The following DDX54 variants were observed in gnomAD, a reference collection of about 807,000 sequenced individuals.
The protein encoded by DDX54 is DEAD-box helicase 54.
Under a neutral mutation model 105.5 loss-of-function variants are expected in DDX54, and 67 were observed. The ratio of observed to expected loss-of-function variants is 0.64; its 90% CI spans 0.52 to 0.78. DDX54 has a LOEUF of 0.78. Among genes scored for constraint, DDX54 ranks in the 30% least tolerant of loss-of-function variants. The pLI is 0.00. For missense variants in DDX54, 1,206 were observed against 1,230.5 expected (o/e 0.98, Z 0.30); for synonymous variants, 514 against 509.9 (o/e 1.01, Z -0.11).
At chr12:113,162,422 T>C (rs1306139752) in intron 17 of DDX54, among the ~76,000 whole-genome samples, 2 of 152,196 alleles carry the variant, frequency 1.3e-5, no homozygotes, top group Non-Finnish European at 2.9e-5. Flanking sequence ...AAGATCTCTG[T>C]GGTGTGTGAT....
intron 10 of DDX54, 27 bp downstream of exon 10, chr12:113,174,613 G>A: frequency 6.2e-7 from 1 of 1,604,184 alleles, no homozygotes; most frequent in Non-Finnish European, 8.5e-7. Context: ...TGAAGGAGGT[G>A]CTCCTCCCAC....
rs918719194 is a variant in DDX54, at chr12:113,170,631, C to A, written c.1280-727G>T. Among the ~76,000 whole-genome samples, 6 of 152,198 alleles carry A rather than the reference C, an allele frequency of 3.9e-5. No individual in the cohort carries two copies. The East Asian group carries it at 1.2e-3, about 29-fold the overall frequency. ...TAGAGCCCAAGCAACAGAGTGAGATCCCGGCCCCCTGCTTGTCTGTGTAAA... is the reference window on the plus strand; with the variant it reads ...TAGAGCCCAAGCAACAGAGTGAGATACCGGCCCCCTGCTTGTCTGTGTAAA... On this transcript the variant is annotated intron_variant, in intron 11 of 19. Coordinates refer to ENST00000306014, the MANE Select transcript of DDX54 (RefSeq NM_024072.4).
chr12:113,173,715 C>T (rs1271515775), intron 10 of DDX54, among the ~76,000 whole-genome samples: 1 of 152,186 alleles, frequency 6.6e-6, no homozygotes, highest in East Asian at 1.9e-4. Context: ...TAAAAATCTA[C>T]AGGAAAATAA....
chr12:113,168,357 A>G (rs1952299751), intron 12 of DDX54, among the ~76,000 whole-genome samples: 1 of 152,090 alleles, frequency 6.6e-6, no homozygotes, highest in South Asian at 2.1e-4. Context: ...CAGCTCTCTG[A>G]GCTTGAGTCT....
At chr12:113,183,106 C>A (rs1309138048) in intron 1 of DDX54, among the ~76,000 whole-genome samples, 1 of 152,218 alleles carries the variant, frequency 6.6e-6, no homozygotes, top group Non-Finnish European at 1.5e-5. Context: ...GTGATCCTCA[C>A]TCCTCGGACT....
Position 113,157,807 on chromosome 12 carries a change from G to A in DDX54, c.*1070C>T, listed in dbSNP as rs1479125667. ...CCGTTTCCTCATTGGGAAGATGGGA[G>A]GGCTGTGCCTGTTCAGAGTGCTGTG... On this transcript the variant is annotated 3_prime_UTR_variant, in exon 20 of 20. Transcript: ENST00000306014. The A allele has an allele frequency of 2.6e-6, 2 of 781,704 alleles. No individual in the cohort carries two copies. Among genetic ancestry groups the A allele is most frequent in the African/African-American group, 1.7e-5 (1 of 58,694 alleles). 48.4% of individuals were successfully genotyped at this position (781,704 alleles called of 1,614,324 possible).
rs777752101 is a variant in DDX54 at position 113,164,236 on chromosome 12, A to G, written c.1769T>C (p.Met590Thr). The G allele has an allele frequency of 3.0e-5, 48 of 1,595,946 alleles. No homozygotes were observed. The Admixed American group carries it at 8.3e-4, about 28-fold the overall frequency. Residue 590 changes from methionine to threonine, a missense_variant, in exon 15 of 20, where the codon ATG becomes ACG. Coordinates refer to ENST00000306014, the MANE Select transcript of DDX54 (RefSeq NM_024072.4). ...GCGGTCCTTCTGCCGCTTGGCGCGC[A>G]TCACCTGGCTGCACAGGTCTCGGCT... ...ASSRDLCSQV[M>T]RAKRQKDRKA...
Position 113,172,566 on chromosome 12 carries a change from G to A in DDX54, c.1069-3C>T. On this transcript the variant is annotated splice_polypyrimidine_tract_variant and splice_region_variant and intron_variant, in intron 10 of 19. Transcript: ENST00000306014. The stretch of plus-strand genomic sequence containing the variant: ...CTCACCCGCTGGGTCGTCAGCAGCT[G>A]CTCAGAGCAAAGATGGTAGCAAAGT... 1 of 1,613,908 alleles carries A rather than the reference G, an allele frequency of 6.2e-7. No individual in the cohort carries two copies. The highest frequency in any genetic ancestry group is 1.1e-5 in the South Asian group (1 of 91,062).
intron 1 of DDX54, among the ~76,000 whole-genome samples, chr12:113,183,386 T>C (rs575550249): frequency 1.3e-5 from 2 of 152,354 alleles, no homozygotes; most frequent in African/African-American, 4.8e-5. Context: ...CCTTTAGTAG[T>C]TTCTCTACAT....
At chr12:113,174,157 C>T (rs1457173764) in intron 10 of DDX54, among the ~76,000 whole-genome samples, 4 of 143,752 alleles carry the variant, frequency 2.8e-5, no homozygotes, top group South Asian at 2.2e-4. Flanking sequence ...CCAGCCTGGG[C>T]GACAGAGTGA....
chr12:113,159,495 A>G (rs1470049102), intron 19 of DDX54, among the ~76,000 whole-genome samples: 1 of 152,178 alleles, frequency 6.6e-6, no homozygotes, highest in African/African-American at 2.4e-5. Flanking sequence ...CCTTTTGGGC[A>G]TGACTGTTAC....
intron 12 of DDX54, among the ~76,000 whole-genome samples, chr12:113,167,023 A>G (rs538569247): frequency 0.011 from 1,630 of 152,174 alleles, 15 homozygotes; most frequent in Middle Eastern, 0.024. Context: ...CTCACACCAA[A>G]CCTATGAGGA....
At chr12:113,161,780 GCCCC>G in intron 18 of DDX54, 109 bp downstream of exon 18, 8 of 254,852 alleles carry the variant, frequency 3.1e-5, no homozygotes, top group South Asian at 1.8e-4. Flanking sequence ...AAGCCGCTCA[GCCCC>G]GCCCCCTCCT....
intron 12 of DDX54, 151 bp from the exon 13 acceptor site, chr12:113,166,183 G>C: frequency 3.8e-6 from 3 of 792,290 alleles, no homozygotes; most frequent in Non-Finnish European, 5.8e-6. Flanking sequence ...ACTCAGGGAG[G>C]AGCTAGAGAG....
At chr12:113,184,922 A>C (rs1016099671) in intron 1 of DDX54, among the ~76,000 whole-genome samples, 2 of 152,176 alleles carry the variant, frequency 1.3e-5, no homozygotes, top group East Asian at 1.9e-4. Flanking sequence ...CCTCCCAAGA[A>C]CGCTCCAAAC....
chr12:113,164,067 C>CTCCACA lies in DDX54; in HGVS notation c.1932_1937dup (p.Val645_Glu646insAspVal). On this transcript the variant is annotated inframe_insertion and splice_region_variant, in exon 15 of 20. Coordinates refer to ENST00000306014, the MANE Select transcript of DDX54 (RefSeq NM_024072.4). ...AGGGTCCCCAGGGTGGAACCTGTAC[C>CTCCACA]TCCACACTCTCTCCCGCCTCCTCCT... 1 of 1,547,012 alleles carries CTCCACA rather than the reference C, an allele frequency of 6.5e-7. No individual in the cohort carries two copies. The highest frequency in any genetic ancestry group is 8.7e-7 in the Non-Finnish European group (1 of 1,144,234).
intron 7 of DDX54, among the ~76,000 whole-genome samples, chr12:113,175,924 A>G (rs1952396848): frequency 6.6e-6 from 1 of 152,008 alleles, no homozygotes; most frequent in Admixed American, 6.6e-5. Context: ...CTGTACTCCA[A>G]ACTGGGTGAC....
intron 1 of DDX54, among the ~76,000 whole-genome samples, chr12:113,182,774 C>G (rs1464257632): frequency 6.6e-6 from 1 of 151,884 alleles, no homozygotes; most frequent in Non-Finnish European, 1.5e-5. Context: ...CCAGGCCGGT[C>G]TCAAACTCCC....
chr12:113,174,896 G>A lies in DDX54; in HGVS notation c.915C>T (p.Thr305=), dbSNP rs1952383498. 6.2e-7 allele frequency: 1 copy of A among 1,613,798 alleles called. No homozygotes were observed. The highest frequency in any genetic ancestry group is 1.3e-5 in the African/African-American group (1 of 74,942). Residue 305 remains threonine (T), a synonymous_variant, in exon 9 of 20, where the codon ACC becomes ACT. Coordinates refer to ENST00000306014, the MANE Select transcript of DDX54 (RefSeq NM_024072.4). Reference sequence around the variant, plus strand: ...TCACCTTCAGCTGCTCGTTGAGCTTGGTATCCACGTCAAGCCGGATGAGCA... The same window carrying A: ...TCACCTTCAGCTGCTCGTTGAGCTTAGTATCCACGTCAAGCCGGATGAGCA... ...EPVLIRLDVD[T]KLNEQLKTSF... is the part of the protein sequence containing the mutation.
Sources: allele counts gnomAD v4.1 joint callset (sites outside exome capture counted in the v4.1 genomes callset), GRCh38; gene constraint gnomAD v4.1.1; transcripts MANE v1.5; gene names NCBI Gene and HGNC (gene_info 2026-07-23, HGNC 2026-07-21).